CACNA1E: variants seen among roughly 807,000 people sequenced by gnomAD.
CACNA1E encodes voltage-dependent R-type calcium channel subunit alpha-1E.
A neutral mutation model predicts 259.2 loss-of-function variants in CACNA1E; 40 were observed. The ratio of observed to expected loss-of-function variants is 0.15; its 90% confidence interval spans 0.12 to 0.20. The LOEUF is 0.20. Ranked by LOEUF, CACNA1E falls within the 10% of genes least tolerant of loss-of-function variation. The pLI, the probability that CACNA1E is intolerant of heterozygous loss-of-function variation, is 1.00. For synonymous variants in CACNA1E, 1,104 were observed against 1,138.5 expected (o/e 0.97, Z 0.61); for missense variants, 1,874 against 3,040.1 (o/e 0.62, Z 9.02).
intron 7 of CACNA1E, among the ~76,000 whole-genome samples, chr1:181,657,123 A>G (rs1376891642): frequency 6.6e-6 from 1 of 152,226 alleles, no homozygotes; most frequent in Non-Finnish European, 1.5e-5. Context: ...TCCATGAAAT[A>G]TGAAATTGTT....
intron 7 of CACNA1E, among the ~76,000 whole-genome samples, chr1:181,695,080 G>GTATATATT (rs1388805919): frequency 1.4e-4 from 21 of 152,068 alleles, no homozygotes; most frequent in South Asian, 2.1e-4. Flanking sequence ...TGCTTGCAAT[G>GTATATATT]ACCAAGTTAA....
At chr1:181,708,308 G>A (rs1037021118) in intron 7 of CACNA1E, among the ~76,000 whole-genome samples, 1 of 152,172 alleles carries the variant, frequency 6.6e-6, no homozygotes, top group Non-Finnish European at 1.5e-5. Flanking sequence ...GGGGCTAATA[G>A]AGTAGAAAGA....
At position 181,753,851 on chromosome 1, in the gene CACNA1E, G is replaced by T. The variant is rs141545998; in HGVS notation, c.3829-1386G>T. ...ACAGAAGAAAAGTCACTTCTGAGAG[G>T]CCCCGATGTGACTGAAACCTGGCTA... is the stretch of plus-strand genomic sequence containing the variant. On this transcript the variant is annotated intron_variant, in intron 27 of 47. Coordinates refer to ENST00000367573, the MANE Select transcript of CACNA1E (RefSeq NM_001205293.3). Among the ~76,000 whole-genome samples, 189 of 152,286 alleles carry T rather than the reference G, an allele frequency of 1.2e-3. 2 individuals are homozygous for T. The highest frequency in any genetic ancestry group is 4.4e-3 in the African/African-American group (182 of 41,556).
chr1:181,490,757 A>T (rs954281507), intron 1 of CACNA1E, among the ~76,000 whole-genome samples: 1 of 152,178 alleles, frequency 6.6e-6, no homozygotes, highest in Non-Finnish European at 1.5e-5. Context: ...GTGTCATTAA[A>T]GGGGGGTGTC....
chr1:181,563,935 A>G (rs1649569271), intron 3 of CACNA1E, among the ~76,000 whole-genome samples: 1 of 152,168 alleles, frequency 6.6e-6, no homozygotes, highest in African/African-American at 2.4e-5. Context: ...TAGTCTATTA[A>G]GTGTGCAGTA....
chr1:181,640,333 G>A (rs967028268), intron 6 of CACNA1E, among the ~76,000 whole-genome samples: 1 of 152,186 alleles, frequency 6.6e-6, no homozygotes, highest in Non-Finnish European at 1.5e-5. Context: ...CATCAACGCT[G>A]ATGTAGACTT....
intron 6 of CACNA1E, among the ~76,000 whole-genome samples, chr1:181,648,358 C>T (rs1658473013): frequency 6.6e-6 from 1 of 152,174 alleles, no homozygotes; most frequent in Non-Finnish European, 1.5e-5. Flanking sequence ...TCAAAAGACA[C>T]TGCTCGTCAT....
intron 1 of CACNA1E, among the ~76,000 whole-genome samples, chr1:181,331,653 G>A (rs906186899): frequency 2.6e-5 from 4 of 152,162 alleles, no homozygotes; most frequent in African/African-American, 9.7e-5. Context: ...TGCTTTACCA[G>A]TTCTCTAGGT....
Position 181,523,241 on chromosome 1 carries a change from A to G in CACNA1E, c.512+11731A>G, listed in dbSNP as rs769983716. ...GCAAATAAAGGAGGAGGAACTTCCA[A>G]TGATTTCCACTCCCCCCAGCTGTGA... On this transcript the variant is annotated intron_variant, in intron 3 of 47. Coordinates refer to ENST00000367573, the MANE Select transcript of CACNA1E (RefSeq NM_001205293.3). Among the ~76,000 whole-genome samples, 28 of 152,228 alleles carry G rather than the reference A, an allele frequency of 1.8e-4. 1 individual carries two copies. The highest frequency in any genetic ancestry group is 3.3e-4 in the Admixed American group (5 of 15,286).
chr1:181,395,894 A>G (rs1656647512), intron 1 of CACNA1E, among the ~76,000 whole-genome samples: 1 of 152,244 alleles, frequency 6.6e-6, no homozygotes, highest in East Asian at 1.9e-4. Context: ...TCATTGTGTA[A>G]CAAATCACTC....
intron 2 of CACNA1E, among the ~76,000 whole-genome samples, chr1:181,442,065 C>A (rs1183876499): frequency 6.6e-6 from 1 of 152,210 alleles, no homozygotes; most frequent in African/African-American, 2.4e-5. Flanking sequence ...TCTGGCATGC[C>A]ATGTAATAGG....
intron 3 of CACNA1E, among the ~76,000 whole-genome samples, chr1:181,527,104 C>T (rs1332172292): frequency 6.6e-6 from 1 of 152,202 alleles, no homozygotes; most frequent in Admixed American, 6.5e-5. Context: ...ATTTCTTAGT[C>T]CATTTGGACA....
chr1:181,410,768 T>C (rs111593480), intron 1 of CACNA1E, among the ~76,000 whole-genome samples: 16,972 of 152,224 alleles, frequency 0.11, 1,088 homozygotes, highest in South Asian at 0.27. Context: ...TGATCCTGGG[T>C]GGGGCTCTCT....
intron 1 of CACNA1E, among the ~76,000 whole-genome samples, chr1:181,487,550 T>A (rs1302702640): frequency 6.6e-6 from 1 of 152,236 alleles, no homozygotes; most frequent in Non-Finnish European, 1.5e-5. Context: ...ATACTCTTTT[T>A]AAAAATGCTA....
intron 6 of CACNA1E, among the ~76,000 whole-genome samples, chr1:181,630,543 G>A (rs371961178): frequency 9.2e-5 from 14 of 152,166 alleles, no homozygotes; most frequent in Non-Finnish European, 1.8e-4. Context: ...TTGCAACAAC[G>A]CCCTCTCCAT....
intron 1 of CACNA1E, among the ~76,000 whole-genome samples, chr1:181,327,475 C>G (rs564545865): frequency 1.1e-3 from 164 of 152,328 alleles, no homozygotes; most frequent in African/African-American, 3.8e-3. Context: ...TTCCTGCCAA[C>G]TTTATATCCA....
intron 2 of CACNA1E, among the ~76,000 whole-genome samples, chr1:181,413,771 T>G (rs1658057199): frequency 6.6e-6 from 1 of 152,220 alleles, no homozygotes; most frequent in Non-Finnish European, 1.5e-5. Context: ...ACCACCCGGC[T>G]GTAGGCCTCG....
chr1:181,413,787 C>T (rs1480993306), intron 2 of CACNA1E, among the ~76,000 whole-genome samples: 1 of 152,232 alleles, frequency 6.6e-6, no homozygotes, highest in Non-Finnish European at 1.5e-5. Context: ...CCTCGTCCAG[C>T]CTCACTGAGG....
chr1:181,347,228 G>T (rs986440972), intron 1 of CACNA1E, among the ~76,000 whole-genome samples: 10 of 152,206 alleles, frequency 6.6e-5, no homozygotes, highest in African/African-American at 2.4e-4. Flanking sequence ...CAGACGGTTT[G>T]TTTCGCTTCT....
Sources: gnomAD v4.1 joint callset for allele counts (sites outside exome capture counted in the v4.1 genomes callset) on GRCh38, gnomAD v4.1.1 for gene constraint, MANE v1.5 for transcripts, NCBI Gene and HGNC (gene_info 2026-07-23, HGNC 2026-07-21) for gene names.